The following PIAS1 variants were observed in gnomAD, a reference collection of about 807,000 sequenced individuals.
The protein encoded by PIAS1 is protein inhibitor of activated STAT 1, also known as E3 SUMO-protein ligase PIAS1.
In PIAS1, 6 loss-of-function variants were observed where a neutral mutation model predicts 71.3. The observed-to-expected ratio is 0.08, with a 90% CI of 0.05 to 0.17. PIAS1 has a LOEUF of 0.17. Among genes scored for constraint, PIAS1 ranks in the 10% least tolerant of loss-of-function variants. The pLI is 1.00. For synonymous variants in PIAS1, 303 were observed against 292.9 expected (o/e 1.03, Z -0.35); for missense variants, 555 against 793.6 (o/e 0.70, Z 3.61).
intron 6 of PIAS1, among the ~76,000 whole-genome samples, chr15:68,150,135 T>G (rs2092835182): frequency 6.6e-6 from 1 of 152,176 alleles, no homozygotes; most frequent in Non-Finnish European, 1.5e-5. Flanking sequence ...AAATATTTTA[T>G]TTCTAGTGTA....
At chr15:68,149,114 A>C (rs767196575) in intron 6 of PIAS1, among the ~76,000 whole-genome samples, 2 of 152,116 alleles carry the variant, frequency 1.3e-5, no homozygotes, top group Non-Finnish European at 2.9e-5. Flanking sequence ...TTTACTTTGA[A>C]GAATGGGCAT....
chr15:68,141,248 G>A (rs188012642), intron 2 of PIAS1, among the ~76,000 whole-genome samples: 2 of 152,076 alleles, frequency 1.3e-5, no homozygotes, highest in East Asian at 3.9e-4. Flanking sequence ...TGCTCATAAC[G>A]GCATACTTTA....
Position 68,187,384 on chromosome 15 carries a change from C to T in PIAS1, c.1663-158C>T, listed in dbSNP as rs1486571930. 6.6e-6 allele frequency among the ~76,000 whole-genome samples: 1 copy of T among 152,210 alleles called. No individual in the cohort carries two copies. The highest frequency in any genetic ancestry group is 2.4e-5 in the African/African-American group (1 of 41,454). Reference sequence around the variant, plus strand: ...CTCAAGATCAATGCTCCAGTCCTTACATAAGGCCATTTGATTTTGCAAAAT... The same window carrying T: ...CTCAAGATCAATGCTCCAGTCCTTATATAAGGCCATTTGATTTTGCAAAAT... On this transcript the variant is annotated intron_variant, in intron 13 of 13. Transcript: ENST00000249636. This position sits in a 1 kb window ranked among gnomAD's most constrained non-coding sequence, Gnocchi z 5.3.
chr15:68,179,693 A>G (rs1478594214), intron 11 of PIAS1, among the ~76,000 whole-genome samples: 1 of 145,304 alleles, frequency 6.9e-6, no homozygotes. Context: ...CTCCTGCCTC[A>G]GCCTCCCGAG....
chr15:68,163,201 A>G (rs576073860), intron 7 of PIAS1, among the ~76,000 whole-genome samples: 12 of 152,358 alleles, frequency 7.9e-5, no homozygotes, highest in African/African-American at 2.6e-4. Flanking sequence ...TAACAAAGAT[A>G]CTACTTTTTA....
intron 1 of PIAS1, among the ~76,000 whole-genome samples, chr15:68,058,349 C>T (rs895857818): frequency 6.6e-6 from 1 of 152,146 alleles, no homozygotes; most frequent in Admixed American, 6.5e-5. Context: ...ATTGCATTAT[C>T]TCTTTTGATC....
chr15:68,159,582 C>A (rs1369259986), intron 7 of PIAS1, among the ~76,000 whole-genome samples: 1 of 152,110 alleles, frequency 6.6e-6, no homozygotes, highest in African/African-American at 2.4e-5. Flanking sequence ...TAGCCTTTTG[C>A]GTCTGGCTTC....
At chr15:68,158,986 G>A (rs1427787072) in intron 7 of PIAS1, among the ~76,000 whole-genome samples, 1 of 152,178 alleles carries the variant, frequency 6.6e-6, no homozygotes, top group Non-Finnish European at 1.5e-5. Context: ...CATGTGAGTA[G>A]TGGCTAACTC....
At chr15:68,165,779 A>G (rs978530124) in intron 8 of PIAS1, among the ~76,000 whole-genome samples, 7 of 152,128 alleles carry the variant, frequency 4.6e-5, no homozygotes, top group Non-Finnish European at 1.0e-4. Flanking sequence ...TGAAAAATTT[A>G]ATAATTAATT....
intron 1 of PIAS1, among the ~76,000 whole-genome samples, chr15:68,062,540 A>C (rs556667328): frequency 6.6e-6 from 1 of 151,848 alleles, no homozygotes; most frequent in South Asian, 2.1e-4. Flanking sequence ...ACCTTACCTC[A>C]CTCTTAGCCC....
intron 2 of PIAS1, among the ~76,000 whole-genome samples, chr15:68,128,034 G>A (rs1206728833): frequency 6.6e-6 from 1 of 152,180 alleles, no homozygotes. Flanking sequence ...TAAAGTGCTA[G>A]GATTACAGGC....
At chr15:68,098,350 A>C (rs2092394678) in intron 2 of PIAS1, among the ~76,000 whole-genome samples, 1 of 152,188 alleles carries the variant, frequency 6.6e-6, no homozygotes, top group South Asian at 2.1e-4. Flanking sequence ...ATTTACTATT[A>C]AGTGGATCAT....
intron 12 of PIAS1, among the ~76,000 whole-genome samples, chr15:68,182,480 GC>G: frequency 2.3e-5 from 1 of 42,886 alleles, no homozygotes. Context: ...TGCTCTTATT[GC>G]TCAGGCTGCG....
chr15:68,114,029 T>TACACACACAC (rs58536041), intron 2 of PIAS1, among the ~76,000 whole-genome samples: 39 of 125,214 alleles, frequency 3.1e-4, no homozygotes, highest in African/African-American at 1.0e-3. Context: ...ATATATTTCA[T>TACACACACAC]ACACACACAC....
intron 1 of PIAS1, among the ~76,000 whole-genome samples, chr15:68,063,026 G>T (rs2091978266): frequency 8.4e-6 from 1 of 118,788 alleles, no homozygotes; most frequent in Non-Finnish European, 2.0e-5. Flanking sequence ...TACACTACTG[G>T]TTTTTTTAAA....
chr15:68,074,834 G>A (rs1002523381), intron 1 of PIAS1, among the ~76,000 whole-genome samples: 1 of 150,432 alleles, frequency 6.6e-6, no homozygotes, highest in Non-Finnish European at 1.5e-5. Flanking sequence ...TGGAACTTTA[G>A]CATTCCTTTT....
At chr15:68,142,156 T>C (rs2092775169) in intron 3 of PIAS1, 126 bp downstream of exon 3, 2 of 929,830 alleles carry the variant, frequency 2.2e-6, no homozygotes, top group South Asian at 1.4e-5. Context: ...AATGAAAGTA[T>C]AGTGTGTTAG....
At chr15:68,138,327 A>C (rs983803111) in intron 2 of PIAS1, among the ~76,000 whole-genome samples, 4 of 151,830 alleles carry the variant, frequency 2.6e-5, no homozygotes, top group Admixed American at 6.6e-5. Context: ...GTACACTACC[A>C]CTCCTATTTC....
intron 2 of PIAS1, among the ~76,000 whole-genome samples, chr15:68,106,910 A>G (rs1469949427): frequency 6.6e-6 from 1 of 152,122 alleles, no homozygotes; most frequent in South Asian, 2.1e-4. Flanking sequence ...AACACAGATG[A>G]TGTTGGGTTA....
Sources: allele counts gnomAD v4.1 joint callset (sites outside exome capture counted in the v4.1 genomes callset), GRCh38; gene constraint gnomAD v4.1.1; non-coding constraint Gnocchi (gnomAD v3.1); transcripts MANE v1.5; gene names NCBI Gene and HGNC (gene_info 2026-07-23, HGNC 2026-07-21).